The following TRAP1 variants were observed in gnomAD, a reference collection of about 807,000 sequenced individuals.
TRAP1 encodes the protein heat shock protein 75 kDa, mitochondrial.
In TRAP1, 102 loss-of-function variants were observed where a neutral mutation model predicts 89.1. The observed-to-expected ratio is 1.15, with a 90% confidence interval of 0.98 to 1.35. The LOEUF (loss-of-function observed/expected upper bound fraction) is 1.35. TRAP1 is among the 40% of genes most tolerant of loss of function. The pLI is 0.00. For missense variants in TRAP1, 1,256 were observed against 945.3 expected (o/e 1.33, Z -4.31); for synonymous variants, 508 against 388.0 (o/e 1.31, Z -3.64).
At chr16:3,672,471 A>G (rs563149442) in intron 10 of TRAP1, among the ~76,000 whole-genome samples, 3 of 152,330 alleles carry the variant, frequency 2.0e-5, no homozygotes, top group African/African-American at 4.8e-5. Flanking sequence ...CTACATATGG[A>G]AAGACCTCAA....
At chr16:3,685,907 T>C in intron 4 of TRAP1, 89 bp downstream of exon 4, 1 of 1,481,674 alleles carries the variant, frequency 6.7e-7, no homozygotes, top group Non-Finnish European at 9.2e-7. Context: ...GGCCAGTACG[T>C]CCCTGGGACC....
At chr16:3,664,616 C>CA in intron 12 of TRAP1, 157 bp from the exon 13 acceptor site, 2 of 764,486 alleles carry the variant, frequency 2.6e-6, no homozygotes, top group Non-Finnish European at 4.0e-6. Flanking sequence ...TGTCCGAGAG[C>CA]AGGCCTTGCT....
chr16:3,675,943 T>G, intron 7 of TRAP1, 93 bp downstream of exon 7: 2 of 1,127,378 alleles, frequency 1.8e-6, no homozygotes, highest in Non-Finnish European at 1.3e-6. Context: ...GCACCCTACG[T>G]GCAGGTAGAA....
intron 1 of TRAP1, among the ~76,000 whole-genome samples, chr16:3,697,088 A>G (rs899495942): frequency 2.6e-5 from 4 of 152,200 alleles, no homozygotes; most frequent in African/African-American, 9.6e-5. Context: ...AGATCCTATC[A>G]GTTTACGTTC....
intron 1 of TRAP1, among the ~76,000 whole-genome samples, chr16:3,706,698 C>G (rs1416575656): frequency 6.6e-6 from 1 of 151,952 alleles, no homozygotes; most frequent in Non-Finnish European, 1.5e-5. Flanking sequence ...TGGCCTCAAG[C>G]AATCCTCCTG....
At chr16:3,670,326 T>C (rs1485087250) in intron 11 of TRAP1, among the ~76,000 whole-genome samples, 1 of 131,350 alleles carries the variant, frequency 7.6e-6, no homozygotes, top group Non-Finnish European at 1.5e-5. Context: ...AAGGTTGCAG[T>C]GAGCCGAGAC....
chr16:3,717,503 C>T lies in TRAP1; in HGVS notation c.6G>A (p.Ala2=). ...ACAGCAGCAGCGCCCGCAGCTCGCGCGCCATGTCGTACTCCCAGAGCGCCG... is the reference window on the plus strand; with the variant it reads ...ACAGCAGCAGCGCCCGCAGCTCGCGTGCCATGTCGTACTCCCAGAGCGCCG... M[A]RELRALLLWG... is the part of the protein sequence containing the mutation. Residue 2 remains alanine, a synonymous_variant, in exon 1 of 18, where the codon GCG becomes GCA. Transcript: ENST00000246957. 2.2e-6 allele frequency: 3 copies of T among 1,352,154 alleles called. No homozygotes were observed. Among genetic ancestry groups the T allele is most frequent in the East Asian group, 3.3e-5 (1 of 30,352 alleles). The allele number at this position is 1,352,154 out of a possible 1,614,324, so 83.8% of individuals were successfully genotyped here.
chr16:3,668,311 C>T (rs11642309), intron 11 of TRAP1, among the ~76,000 whole-genome samples: 5 of 152,274 alleles, frequency 3.3e-5, no homozygotes, highest in South Asian at 2.1e-4. Flanking sequence ...CTGCCTGCCT[C>T]GGCCTCCCAA....
chr16:3,659,148 G>C (rs2042915320), intron 16 of TRAP1: 1 of 329,708 alleles, frequency 3.0e-6, no homozygotes, highest in Non-Finnish European at 5.5e-6. Context: ...GACATGCCTT[G>C]GTTCCTAGAT....
chr16:3,714,457 G>A (rs1395407695), intron 1 of TRAP1, among the ~76,000 whole-genome samples: 5 of 152,116 alleles, frequency 3.3e-5, no homozygotes, highest in African/African-American at 1.2e-4. Context: ...TCAGGAGTTC[G>A]AGACCACCCT....
chr16:3,659,211 C>T (rs1483828951), intron 16 of TRAP1: 1 of 209,188 alleles, frequency 4.8e-6, no homozygotes, highest in African/African-American at 2.3e-5. Flanking sequence ...TATTATAGGG[C>T]TCTAGTAAAT....
At chr16:3,713,319 G>A (rs997623305) in intron 1 of TRAP1, among the ~76,000 whole-genome samples, 1 of 152,200 alleles carries the variant, frequency 6.6e-6, no homozygotes, top group Non-Finnish European at 1.5e-5. Context: ...AGGGGAGGGC[G>A]CAGCAGGCAG....
intron 4 of TRAP1, among the ~76,000 whole-genome samples, chr16:3,685,341 G>A (rs967577838): frequency 5.2e-4 from 79 of 152,166 alleles, no homozygotes; most frequent in Admixed American, 5.0e-3. Flanking sequence ...AATTAAAACA[G>A]CCATCCCTTC....
chr16:3,675,262 G>A (rs540770012), intron 8 of TRAP1, 62 bp downstream of exon 8: 2 of 1,542,830 alleles, frequency 1.3e-6, no homozygotes, highest in East Asian at 4.5e-5. Context: ...CTTCTCCGCT[G>A]CCCTGAAACG....
chr16:3,699,924 C>T (rs2051342940), intron 1 of TRAP1, among the ~76,000 whole-genome samples: 1 of 151,778 alleles, frequency 6.6e-6, no homozygotes, highest in Non-Finnish European at 1.5e-5. Flanking sequence ...ATCTTCCTAC[C>T]TTAGCCTCCC....
chr16:3,660,903 G>C (rs924648780), intron 16 of TRAP1: 1 of 152,074 alleles, frequency 6.6e-6, no homozygotes, highest in African/African-American at 2.4e-5. Flanking sequence ...CAACCTGGGG[G>C]ACAGAGTGAG....
chr16:3,673,831 G>A (rs12929402), intron 9 of TRAP1, among the ~76,000 whole-genome samples: 2 of 151,476 alleles, frequency 1.3e-5, no homozygotes, highest in Non-Finnish European at 2.9e-5. Context: ...ACCAGGGGAG[G>A]TGGAGGGTGT....
At chr16:3,683,220 G>C (rs1334416013) in intron 4 of TRAP1, among the ~76,000 whole-genome samples, 2 of 151,928 alleles carry the variant, frequency 1.3e-5, no homozygotes, top group African/African-American at 2.4e-5. Context: ...CTGAGAAACT[G>C]TCACAGCCAA....
chr16:3,659,897 C>T (rs1422011400), intron 16 of TRAP1: 2 of 152,050 alleles, frequency 1.3e-5, no homozygotes, highest in Admixed American at 1.3e-4. Context: ...TTACAGGCAC[C>T]CACCACCACC....
Sources: allele counts gnomAD v4.1 joint callset (sites outside exome capture counted in the v4.1 genomes callset), GRCh38; gene constraint gnomAD v4.1.1; transcripts MANE v1.5; gene names NCBI Gene and HGNC (gene_info 2026-07-23, HGNC 2026-07-21).